Variants in CARMIL1 observed in about 807,000 individuals in gnomAD.
The protein encoded by CARMIL1 is capping protein regulator and myosin 1 linker 1, also known as F-actin-uncapping protein LRRC16A.
Under a neutral mutation model 177.1 loss-of-function variants are expected in CARMIL1, and 90 were observed. The ratio of observed to expected loss-of-function variants is 0.51; its 90% confidence interval spans 0.43 to 0.61. The LOEUF (loss-of-function observed/expected upper bound fraction) is 0.61, where lower values mean the gene tolerates loss of function less well. CARMIL1 is among the 20% of genes least tolerant of loss of function. The pLI, the probability that CARMIL1 is intolerant of heterozygous loss-of-function variation, is 0.00. For synonymous variants in CARMIL1, 577 were observed against 606.2 expected (o/e 0.95, Z 0.71); for missense variants, 1,380 against 1,667.0 (o/e 0.83, Z 3.00).
At chr6:25,348,639 G>T (rs1462120267) in intron 2 of CARMIL1, among the ~76,000 whole-genome samples, 5 of 151,850 alleles carry the variant, frequency 3.3e-5, no homozygotes, top group South Asian at 4.2e-4. Flanking sequence ...AAAATTAGCT[G>T]GGCGTGGCTG....
Position 25,515,240 on chromosome 6 carries a change from A to G in CARMIL1, c.1633-435A>G, listed in dbSNP as rs930503138. Reference sequence around the variant, plus strand: ...AATTGTTCAATAATTGTCAGCTATTATTAATCCTGGCTGGCTTTTATCTTG... The same window carrying G: ...AATTGTTCAATAATTGTCAGCTATTGTTAATCCTGGCTGGCTTTTATCTTG... On this transcript the variant is annotated intron_variant, in intron 20 of 36. Transcript: ENST00000329474. The surrounding 1 kb of genome is among the most constrained non-coding windows in gnomAD (Gnocchi z 5.0). Among the ~76,000 whole-genome samples the G allele has an allele frequency of 6.6e-6, 1 of 152,238 alleles. No homozygotes were observed. The highest frequency in any genetic ancestry group is 1.5e-5 in the Non-Finnish European group (1 of 68,046).
chr6:25,593,368 G>A lies in CARMIL1; in HGVS notation c.3007-1047G>A, dbSNP rs1479231484. On this transcript the variant is annotated intron_variant, in intron 31 of 36. Coordinates refer to ENST00000329474, the MANE Select transcript of CARMIL1 (RefSeq NM_017640.6). ...CCCAGAATTACCTCCCCAGAATTCAGGCTGGGCCATGCTGCTGCATTGGTG... is the reference window on the plus strand; with the variant it reads ...CCCAGAATTACCTCCCCAGAATTCAAGCTGGGCCATGCTGCTGCATTGGTG... Among the ~76,000 whole-genome samples the A allele has an allele frequency of 2.6e-5, 4 of 152,188 alleles. 1 individual carries two copies. The highest frequency in any genetic ancestry group is 2.6e-4 in the Admixed American group (4 of 15,282).
chr6:25,468,991 C>T (rs911819566), intron 9 of CARMIL1, among the ~76,000 whole-genome samples: 1 of 152,168 alleles, frequency 6.6e-6, no homozygotes, highest in Non-Finnish European at 1.5e-5. Flanking sequence ...CACTTTTTAT[C>T]ATGACAACAC....
intron 12 of CARMIL1, among the ~76,000 whole-genome samples, chr6:25,487,280 A>G (rs553669092): frequency 3.1e-4 from 47 of 152,168 alleles, no homozygotes; most frequent in Non-Finnish European, 5.3e-4. Context: ...TAGTACCTTC[A>G]TCGGATCCTG....
chr6:25,354,137 A>G (rs1788350029), intron 2 of CARMIL1, among the ~76,000 whole-genome samples: 1 of 152,012 alleles, frequency 6.6e-6, no homozygotes, highest in African/African-American at 2.4e-5. Flanking sequence ...TGGTCAATTA[A>G]ATATAAGTGG....
intron 2 of CARMIL1, among the ~76,000 whole-genome samples, chr6:25,378,349 T>C (rs2150471443): frequency 6.6e-6 from 1 of 152,294 alleles, no homozygotes; most frequent in East Asian, 1.9e-4. Context: ...TCTCTTGGTC[T>C]CCCTACACAG....
intron 25 of CARMIL1, among the ~76,000 whole-genome samples, chr6:25,538,201 C>G (rs959763007): frequency 5.3e-5 from 8 of 152,152 alleles, no homozygotes; most frequent in African/African-American, 1.9e-4. Flanking sequence ...GTGTGATTCA[C>G]AGAGGGTGTG....
intron 29 of CARMIL1, among the ~76,000 whole-genome samples, chr6:25,567,126 G>C (rs947682900): frequency 1.3e-5 from 2 of 152,182 alleles, no homozygotes; most frequent in Non-Finnish European, 2.9e-5. Context: ...GCAGCTGAAA[G>C]CCCAACTCCA....
intron 2 of CARMIL1, among the ~76,000 whole-genome samples, chr6:25,344,506 T>A (rs115862270): frequency 0.052 from 7,921 of 152,220 alleles, 277 homozygotes; most frequent in Non-Finnish European, 0.087. Flanking sequence ...GCTTGGAGAA[T>A]ACCACAGCAC....
Position 25,596,920 on chromosome 6 carries a change from T to C in CARMIL1, c.3119+2393T>C, listed in dbSNP as rs114220146. ...ACACACACTTTTCCTTGCCCCACTT[T>C]CTTTATTTAATTTTATCATAATTGG... On this transcript the variant is annotated intron_variant, in intron 32 of 36. Transcript: ENST00000329474. 8.4e-3 allele frequency among the ~76,000 whole-genome samples: 1,285 copies of C among 152,096 alleles called. 24 individuals are homozygous for C. The highest frequency in any genetic ancestry group is 0.021 in the African/African-American group (863 of 41,500).
intron 11 of CARMIL1, chr6:25,479,178 T>C (rs761844791): frequency 3.1e-5 from 16 of 518,922 alleles, no homozygotes; most frequent in Non-Finnish European, 4.6e-5. Context: ...TTTGCCCCAG[T>C]GATTACCAGC....
chr6:25,550,178 A>G (rs771307205), intron 26 of CARMIL1, among the ~76,000 whole-genome samples: 1 of 152,222 alleles, frequency 6.6e-6, no homozygotes, highest in Non-Finnish European at 1.5e-5. Context: ...TGGTGATCAC[A>G]TGAATAGCTG....
intron 2 of CARMIL1, among the ~76,000 whole-genome samples, chr6:25,302,125 T>G (rs1414810634): frequency 6.6e-6 from 1 of 152,178 alleles, no homozygotes; most frequent in African/African-American, 2.4e-5. Context: ...AGTTTTTCTG[T>G]TTTGAATGAT....
intron 5 of CARMIL1, among the ~76,000 whole-genome samples, chr6:25,438,945 A>G (rs1209983255): frequency 6.6e-6 from 1 of 152,046 alleles, no homozygotes; most frequent in Non-Finnish European, 1.5e-5. Flanking sequence ...TAATCTAGGC[A>G]AGAGATGACT....
rs956459709 is a variant in CARMIL1 at position 25,512,040 on chromosome 6, A to T, written c.1632+1278A>T. Among the ~76,000 whole-genome samples the T allele has an allele frequency of 1.4e-4, 21 of 152,092 alleles. No individual in the cohort carries two copies. The East Asian group carries it at 4.0e-3, about 29-fold the overall frequency. ...TACGTATTTAATTTGACTTTGCATCACTCTGCCTTGTTTGAGTTTCTGATT... is the reference window on the plus strand; with the variant it reads ...TACGTATTTAATTTGACTTTGCATCTCTCTGCCTTGTTTGAGTTTCTGATT... On this transcript the variant is annotated intron_variant, in intron 20 of 36. Coordinates refer to ENST00000329474, the MANE Select transcript of CARMIL1 (RefSeq NM_017640.6).
chr6:25,586,724 G>T (rs1293668168), intron 31 of CARMIL1, among the ~76,000 whole-genome samples: 2 of 152,044 alleles, frequency 1.3e-5, no homozygotes, highest in Admixed American at 6.6e-5. Flanking sequence ...AGGCCGAGGC[G>T]GGCAGATCAC....
At chr6:25,442,507 C>T (rs1797868006) in intron 5 of CARMIL1, among the ~76,000 whole-genome samples, 1 of 150,904 alleles carries the variant, frequency 6.6e-6, no homozygotes, top group Non-Finnish European at 1.5e-5. Flanking sequence ...AGCTGGTGCC[C>T]GGTAACAAAT....
At chr6:25,340,777 G>GTTTTTTTTTTTTTTTT (rs34928775) in intron 2 of CARMIL1, among the ~76,000 whole-genome samples, 9 of 86,134 alleles carry the variant, frequency 1.0e-4, no homozygotes, top group Non-Finnish European at 1.8e-4. Context: ...GTCAATGAAG[G>GTTTTTTTTTTTTTTTT]TTTTTTTTTT....
At position 25,399,186 on chromosome 6, in the gene CARMIL1, A is replaced by G. The variant is rs182650062; in HGVS notation, c.139-20928A>G. 3.3e-3 allele frequency among the ~76,000 whole-genome samples: 503 copies of G among 152,334 alleles called. 4 individuals carry two copies. Among genetic ancestry groups the G allele is most frequent in the Non-Finnish European group, 5.6e-3 (378 of 68,030 alleles). On this transcript the variant is annotated intron_variant, in intron 2 of 36. Transcript: ENST00000329474. ...AGGATGCACAGCCTTTTGTGGCTAG[A>G]AAAAGGCCTTAGGCCCCTGGTTTTG...
Sources: gnomAD v4.1 joint callset for allele counts (sites outside exome capture counted in the v4.1 genomes callset) on GRCh38, gnomAD v4.1.1 for gene constraint, Gnocchi (gnomAD v3.1) non-coding constraint, MANE v1.5 for transcripts, NCBI Gene and HGNC (gene_info 2026-07-23, HGNC 2026-07-21) for gene names.